The following PPOX variants were observed in gnomAD, a reference collection of about 807,000 sequenced individuals.
PPOX encodes variegate porphyria.
A neutral mutation model predicts 54.1 loss-of-function variants in PPOX; 23 were observed. The observed-to-expected ratio is 0.43, with a 90% CI of 0.31 to 0.60. The LOEUF is 0.60. PPOX is among the 20% of genes least tolerant of loss of function. PPOX has a pLI of 0.13. For synonymous variants in PPOX, 224 were observed against 236.1 expected, an observed-to-expected ratio of 0.95 and a Z score of 0.47; for missense variants, 512 against 601.1, an observed-to-expected ratio of 0.85 and a Z score of 1.55.
chr1:161,176,416 G>A (rs1663542075), intron 4 of PPOX: 1 of 403,526 alleles, frequency 2.5e-6, no homozygotes, highest in Non-Finnish European at 4.6e-6. Context: ...AATTTTAGAA[G>A]GGAAGAGATA....
At chr1:161,176,468 G>C in intron 4 of PPOX, 1 of 373,536 alleles carries the variant, frequency 2.7e-6, no homozygotes, top group South Asian at 3.3e-5. Flanking sequence ...GATCATGGGG[G>C]CTCCAGGGGG....
chr1:161,174,011 G>A (rs3813619), downstream of PPOX: 102,326 of 1,613,968 alleles, frequency 0.063, 3,373 homozygotes, highest in South Asian at 0.084. Flanking sequence ...GCACCCCAAC[G>A]TTCAACAGTT....
intron 4 of PPOX, chr1:161,176,592 T>C (rs1223205364): frequency 3.9e-6 from 2 of 518,906 alleles, no homozygotes; most frequent in Non-Finnish European, 6.9e-6. Context: ...GGAACAGAAG[T>C]GGTAAAGGAT....
chr1:161,167,667 C>G, intron 4 of PPOX, 181 bp downstream of exon 4: 1 of 896,772 alleles, frequency 1.1e-6, no homozygotes, highest in Non-Finnish European at 1.6e-6. Context: ...CGGGTTCAAG[C>G]GATTCTCCTG....
At position 161,170,072 on chromosome 1, in the gene PPOX, A is replaced by C. The variant is rs1338959873; in HGVS notation, c.987+48A>C. The C allele has an allele frequency of 1.9e-6, 3 of 1,577,894 alleles. No individual in the cohort carries two copies. In the Admixed American group the frequency reaches 5.5e-5, roughly 29 times the overall value. ...CTGGGCATGGTGGCTCACACCTGTAATCCCAGCATTTTGGGAGGCCGAGGT... is the reference window on the plus strand; with the variant it reads ...CTGGGCATGGTGGCTCACACCTGTACTCCCAGCATTTTGGGAGGCCGAGGT... On this transcript the variant is annotated intron_variant, in intron 9 of 12. Coordinates refer to ENST00000367999, the MANE Select transcript of PPOX (RefSeq NM_001122764.3).
At chr1:161,171,834 G>A (rs779921161), downstream of PPOX, 1 of 1,614,154 alleles carries the variant, frequency 6.2e-7, no homozygotes, top group Non-Finnish European at 8.5e-7. Flanking sequence ...AACCTCGGAG[G>A]GCTGTGTGGT....
Position 161,169,138 on chromosome 1 carries a change from C to A in PPOX, c.762C>A (p.Gly254=). 6.2e-7 allele frequency: 1 copy of A among 1,614,156 alleles called. No individual in the cohort carries two copies. Among genetic ancestry groups the A allele is most frequent in the African/African-American group, 1.3e-5 (1 of 75,042 alleles). Residue 254 remains glycine, a synonymous_variant, in exon 7 of 13, where the codon GGC becomes GGA. Transcript: ENST00000367999. The stretch of plus-strand genomic sequence containing the variant: ...GTAGGGGGGTCAGTGTTCTCAGAGG[C>A]CAGCCGGTCTGTGGGCTCAGCCTCC... ...LTSRGVSVLR[G]QPVCGLSLQA...
In PPOX at chr1:161,168,001, A is replaced by T; in HGVS notation, c.345A>T (p.Leu115=). 1 of 1,613,756 alleles carries T rather than the reference A, an allele frequency of 6.2e-7. No individual in the cohort carries two copies. Among genetic ancestry groups the T allele is most frequent in the African/African-American group, 1.3e-5 (1 of 74,878 alleles). ...TATGCCTTTCTCCATGCAGGGGGCT[A>T]CTCCGCCCTTCACCCCCCTTCTCCA... The part of the protein sequence containing the change: ...LHALPTGLRG[L]LRPSPPFSKP... The change falls in exon 5 of 13, where the codon CTA becomes CTT. Residue 115 remains leucine, a synonymous_variant. Coordinates refer to ENST00000367999, the MANE Select transcript of PPOX (RefSeq NM_001122764.3).
In PPOX at chr1:161,171,175, G is replaced by A. The variant is rs1271180827; in HGVS notation, c.1433G>A (p.Ter478=). The A allele has an allele frequency of 6.8e-6, 11 of 1,613,132 alleles. No homozygotes were observed. Among genetic ancestry groups the A allele is most frequent in the Middle Eastern group, 1.9e-4 (1 of 5,322 alleles). Reference sequence around the variant, plus strand: ...GTCCTGGGCACAGAACCTAACAGCTGATCCCCAACTCTCATTCATGAAAAT... The same window carrying A: ...GTCCTGGGCACAGAACCTAACAGCTAATCCCCAACTCTCATTCATGAAAAT... ...VSVLGTEPNS[*] is the part of the protein sequence containing the mutation. The change falls in exon 13 of 13, where the codon TGA becomes TAA. Residue 478 remains the stop codon, a stop_retained_variant. Coordinates refer to ENST00000367999, the MANE Select transcript of PPOX (RefSeq NM_001122764.3).
chr1:161,174,795 T>C (rs1244055160), downstream of PPOX: 1 of 602,438 alleles, frequency 1.7e-6, no homozygotes, highest in Admixed American at 3.2e-5. Flanking sequence ...TGTAGGACAG[T>C]GGGAATAACC....
At chr1:161,171,258 G>A, downstream of PPOX, 1 of 1,606,554 alleles carries the variant, frequency 6.2e-7, no homozygotes, top group East Asian at 2.2e-5. Context: ...GCATAAGAAT[G>A]CGGGGCAGCA....
At position 161,167,180 on chromosome 1, in the gene PPOX, T is replaced by C. The variant is rs756141647; in HGVS notation, c.168T>C (p.Leu56=). The C allele has an allele frequency of 2.8e-5, 46 of 1,614,196 alleles. No individual in the cohort carries two copies. The highest frequency in any genetic ancestry group is 1.6e-4 in the Middle Eastern group (1 of 6,062). Residue 56 remains leucine, a synonymous_variant, in exon 3 of 13, where the codon CTT becomes CTC. Transcript: ENST00000367999. ...VRGPNGAIFE[L]GPRGIRPAGA... is the part of the protein sequence containing the mutation. ...GCCCTAATGGTGCTATCTTTGAGCT[T>C]GGACCTCGGGGAATTAGGCCAGCGG...
intron 9 of PPOX, 116 bp from the exon 10 acceptor site, chr1:161,170,293 C>T (rs1276722112): frequency 1.0e-6 from 1 of 953,704 alleles, no homozygotes; most frequent in Non-Finnish European, 1.6e-6. Context: ...CCATTACACT[C>T]CAGCCTGGGT....
chr1:161,175,142 A>G (rs760576789), downstream of PPOX: 2 of 1,614,044 alleles, frequency 1.2e-6, no homozygotes, highest in South Asian at 1.1e-5. Flanking sequence ...GCAGGGCGGT[A>G]CCGGCCCCCT....
chr1:161,168,145 G>T lies in PPOX; in HGVS notation c.471+18G>T. The T allele has an allele frequency of 6.2e-7, 1 of 1,614,124 alleles. No homozygotes were observed. Among genetic ancestry groups the T allele is most frequent in the Non-Finnish European group, 8.5e-7 (1 of 1,180,020 alleles). On this transcript the variant is annotated intron_variant, in intron 5 of 12. Coordinates refer to ENST00000367999, the MANE Select transcript of PPOX (RefSeq NM_001122764.3). ...GACCTGAGGTGACACTTGCCCAGAG[G>T]CCCCAAACCTCTTCCCTCCTAAACC...
At chr1:161,172,472 A>G, downstream of PPOX, 1 of 698,436 alleles carries the variant, frequency 1.4e-6, no homozygotes, top group Non-Finnish European at 2.3e-6. Flanking sequence ...AGTCAAACAG[A>G]AAGAAGGAAA....
rs1263091338 is a variant in PPOX at position 161,170,010 on chromosome 1, C to T, written c.973C>T (p.His325Tyr). The change falls in exon 9 of 13, where the codon CAT becomes TAT. Residue 325 changes from histidine to tyrosine, a missense_variant. Physicochemically the swap from His to Tyr is moderately conservative, Grantham distance 83. Transcript: ENST00000367999. ...AVVNLQYQGAHLPVQGFGHLV... is the reference protein window; with the variant it reads ...AVVNLQYQGAYLPVQGFGHLV... ...GGTGAATCTGCAGTACCAAGGAGCCCATCTGCCTGTCCAGGTATGATAAAG... is the reference window on the plus strand; with the variant it reads ...GGTGAATCTGCAGTACCAAGGAGCCTATCTGCCTGTCCAGGTATGATAAAG... The T allele has an allele frequency of 1.9e-6, 3 of 1,613,512 alleles. No homozygotes were observed. The highest frequency in any genetic ancestry group is 1.7e-5 in the Admixed American group (1 of 59,940).
At chr1:161,171,362 C>G, downstream of PPOX, 1 of 1,054,646 alleles carries the variant, frequency 9.5e-7, no homozygotes, top group South Asian at 1.5e-5. Flanking sequence ...GCCCCCTGAG[C>G]CAGGACCAGA....
downstream of PPOX, chr1:161,172,099 A>T: frequency 6.2e-7 from 1 of 1,613,150 alleles, no homozygotes; most frequent in Non-Finnish European, 8.5e-7. Context: ...TCTGAGGGTT[A>T]GAGGTTGGAG....
Sources: gnomAD v4.1 joint callset for allele counts on GRCh38, gnomAD v4.1.1 for gene constraint, MANE v1.5 for transcripts, NCBI Gene and HGNC (gene_info 2026-07-23, HGNC 2026-07-21) for gene names.